The following CCNB3 variants were observed in gnomAD, a reference collection of about 807,000 sequenced individuals.
CCNB3 encodes cyclin B3.
A neutral mutation model predicts 68.0 loss-of-function variants in CCNB3; 12 were observed. The ratio of observed to expected loss-of-function variants is 0.18; its 90% CI spans 0.11 to 0.29. The LOEUF (loss-of-function observed/expected upper bound fraction) is 0.29, where lower values mean the gene tolerates loss of function less well. CCNB3 is among the 10% of genes least tolerant of loss of function. CCNB3 has a pLI of 1.00. For missense variants in CCNB3, 904 were observed against 993.1 expected (o/e 0.91, Z 1.21); for synonymous variants, 354 against 388.9 (o/e 0.91, Z 1.06).
At chrX:50,293,875 T>C in intron 4 of CCNB3, among the ~76,000 whole-genome samples, 1 of 112,176 alleles carries the variant, frequency 8.9e-6, no homozygotes, top group African/African-American at 3.2e-5. Flanking sequence ...TTTTTTCCTT[T>C]AATGTAGTTA....
chrX:50,342,121 A>G (rs1557219695), intron 8 of CCNB3, 81 bp from the exon 9 acceptor site: 1 of 1,084,848 alleles, frequency 9.2e-7, no homozygotes, highest in South Asian at 1.9e-5. Flanking sequence ...TGTTGCAGAT[A>G]CTCCAGGTAG....
Position 50,309,286 on chromosome X carries a change from C to G in CCNB3, c.1117C>G (p.Pro373Ala), listed in dbSNP as rs1557214137. The change falls in exon 6 of 13, where the codon CCT becomes GCT. Residue 373 changes from proline (P) to alanine (A), a missense_variant. Coordinates refer to ENST00000376042, the MANE Select transcript of CCNB3 (RefSeq NM_033031.3). ...VKESLAFKKK[P>A]STEEAIMMPV... is the part of the protein sequence containing the mutation. ...GGAGTCGTTAGCCTTTAAGAAGAAG[C>G]CTAGCACTGAGGAGGCAATCATGAT... 11 of 1,211,387 alleles carry G rather than the reference C, an allele frequency of 9.1e-6. No homozygotes were observed. The highest frequency in any genetic ancestry group is 1.2e-5 in the Non-Finnish European group (11 of 895,325).
chrX:50,317,543 T>TATGTATG (rs1557215939), intron 8 of CCNB3, among the ~76,000 whole-genome samples: 6 of 99,681 alleles, frequency 6.0e-5, no homozygotes, highest in Non-Finnish European at 9.9e-5. Context: ...GTATTTAAAT[T>TATGTATG]TATGTATGTA....
chrX:50,222,076 C>CTT (rs2146987379), intron 1 of CCNB3, among the ~76,000 whole-genome samples: 1 of 110,541 alleles, frequency 9.0e-6, no homozygotes, highest in South Asian at 3.9e-4. Context: ...GTTTTAGAGA[C>CTT]TAGGTTTGCA....
intron 11 of CCNB3, among the ~76,000 whole-genome samples, chrX:50,349,000 G>C (rs1486593008): frequency 8.9e-6 from 1 of 112,905 alleles, no homozygotes; most frequent in Non-Finnish European, 1.9e-5. Context: ...TTTCACACTT[G>C]GTGACTAAAC....
In CCNB3 at chrX:50,295,077, C is replaced by T; in HGVS notation, c.335+84C>T. The T allele has an allele frequency of 2.0e-6, 2 of 994,691 alleles. No homozygotes were observed. The highest frequency in any genetic ancestry group is 6.4e-5 in the East Asian group (2 of 31,108). The allele number at this position is 994,691 out of a possible 1,213,427, so 82.0% of individuals were successfully genotyped here. Reference sequence around the variant, plus strand: ...TTGTCCCCATTGAGAACATATTTAGCAAGCCACAATGGTGACTACCACATT... The same window carrying T: ...TTGTCCCCATTGAGAACATATTTAGTAAGCCACAATGGTGACTACCACATT... On this transcript the variant is annotated intron_variant, in intron 5 of 12. Transcript: ENST00000376042.
At chrX:50,323,284 C>T (rs1305313549) in intron 8 of CCNB3, among the ~76,000 whole-genome samples, 5 of 110,726 alleles carry the variant, frequency 4.5e-5, no homozygotes, top group Non-Finnish European at 9.4e-5. Flanking sequence ...ATGGATGAAG[C>T]TGGAAACCAT....
At chrX:50,294,730 C>T in intron 4 of CCNB3, 133 bp from the exon 5 acceptor site, 2 of 706,525 alleles carry the variant, frequency 2.8e-6, no homozygotes, top group Non-Finnish European at 4.2e-6. Flanking sequence ...TGGATTATCA[C>T]TCCTGGGAAC....
At position 50,210,032 on chromosome X, in the gene CCNB3, C is replaced by T. The variant is rs1935458280; in HGVS notation, c.-113+5082C>T. Among the ~76,000 whole-genome samples the T allele has an allele frequency of 3.6e-5, 4 of 111,775 alleles. No individual in the cohort carries two copies. In the South Asian group the frequency reaches 1.5e-3, roughly 42 times the overall value. On this transcript the variant is annotated intron_variant, in intron 1 of 12. Transcript: ENST00000376042. Reference sequence around the variant, plus strand: ...TCATCCTGTTTTGAAAGTTTTTCTTCCTTTTGCAAGATTATGGAAATATTC... The same window carrying T: ...TCATCCTGTTTTGAAAGTTTTTCTTTCTTTTGCAAGATTATGGAAATATTC...
Position 50,309,499 on chromosome X carries a change from A to G in CCNB3, c.1330A>G (p.Thr444Ala), listed in dbSNP as rs1602223652. The G allele has an allele frequency of 8.3e-7, 1 of 1,209,376 alleles. No individual in the cohort carries two copies. The highest frequency in any genetic ancestry group is 1.1e-6 in the Non-Finnish European group (1 of 895,006). The change falls in exon 6 of 13, where the codon ACT becomes GCT. Residue 444 changes from threonine to alanine, a missense_variant. Physicochemically the swap from Thr to Ala is moderately conservative, Grantham distance 58. This residue lies in a region of CCNB3 where 619 missense variants were observed against 609.8 expected (regional missense o/e 1.02). Coordinates refer to ENST00000376042, the MANE Select transcript of CCNB3 (RefSeq NM_033031.3). ...ATCTGCATTGCAAAAGAAGCACACC[A>G]CTCAGGAGGAGGTTTCCATCTTAAA... ...EPSALQKKHT[T>A]QEEVSILKEP...
At chrX:50,287,614 A>G (rs1390757802) in intron 3 of CCNB3, among the ~76,000 whole-genome samples, 1 of 112,148 alleles carries the variant, frequency 8.9e-6, no homozygotes, top group African/African-American at 3.2e-5. Context: ...GTCAACAGTT[A>G]GTAAAGAGCT....
rs1336538735 is a variant in CCNB3 at position 50,294,846 on chromosome X, C to T, written c.205-17C>T. On this transcript the variant is annotated splice_polypyrimidine_tract_variant and intron_variant, in intron 4 of 12. Coordinates refer to ENST00000376042, the MANE Select transcript of CCNB3 (RefSeq NM_033031.3). ...CTCCTTCTTCCCCTGCCCCCCAACCCACCTTTTTTTTTGCAGGCTTCTCAA... is the reference window on the plus strand; with the variant it reads ...CTCCTTCTTCCCCTGCCCCCCAACCTACCTTTTTTTTTGCAGGCTTCTCAA... 1.7e-6 allele frequency: 2 copies of T among 1,184,331 alleles called. No individual in the cohort carries two copies. The highest frequency in any genetic ancestry group is 2.3e-6 in the Non-Finnish European group (2 of 882,785).
intron 1 of CCNB3, among the ~76,000 whole-genome samples, chrX:50,216,217 T>G (rs1935568347): frequency 9.2e-6 from 1 of 109,245 alleles, no homozygotes; most frequent in Non-Finnish European, 1.9e-5. Context: ...CCTCCTAAAG[T>G]GCTGGGATTA....
chrX:50,319,991 G>A (rs1055102780), intron 8 of CCNB3, among the ~76,000 whole-genome samples: 2 of 110,538 alleles, frequency 1.8e-5, no homozygotes, highest in Non-Finnish European at 3.8e-5. Flanking sequence ...TTCTTTTTAG[G>A]TATTGCTGGA....
At position 50,310,155 on chromosome X, in the gene CCNB3, A is replaced by G. The variant is rs1921343299; in HGVS notation, c.1986A>G (p.Gln662=). 4 of 1,210,510 alleles carry G rather than the reference A, an allele frequency of 3.3e-6. No homozygotes were observed. Among genetic ancestry groups the G allele is most frequent in the Non-Finnish European group, 3.4e-6 (3 of 894,513 alleles). ...TCTCAAAAGAGTCATTGGCCATCCA[A>G]GAGAAGGCTACCACTGAGGAGGAAT... ...VSLSKESLAI[Q]EKATTEEEFS... is the part of the protein sequence containing the mutation. Residue 662 remains glutamine (Q), a synonymous_variant, in exon 6 of 13, where the codon CAA becomes CAG. Coordinates refer to ENST00000376042, the MANE Select transcript of CCNB3 (RefSeq NM_033031.3).
At chrX:50,279,873 A>C (rs1372560617) in intron 1 of CCNB3, among the ~76,000 whole-genome samples, 2 of 87,595 alleles carry the variant, frequency 2.3e-5, no homozygotes, top group Non-Finnish European at 4.2e-5. Context: ...TATATATAAA[A>C]TATATATAGT....
intron 8 of CCNB3, among the ~76,000 whole-genome samples, chrX:50,320,924 A>G (rs1921984393): frequency 3.6e-5 from 4 of 111,695 alleles, no homozygotes; most frequent in Admixed American, 1.9e-4. Context: ...ATGTATTTCT[A>G]TATCCATTTT....
In CCNB3 at chrX:50,347,608, T is replaced by A. The variant is rs1923469010; in HGVS notation, c.3811-18T>A. On this transcript the variant is annotated intron_variant, in intron 10 of 12. Transcript: ENST00000376042. The stretch of plus-strand genomic sequence containing the variant: ...TTTTCTAAATTGATTTCTGAGCCAG[T>A]CTTCTCATTGCCTTTAGTGTATCCA... 2 of 1,195,193 alleles carry A rather than the reference T, an allele frequency of 1.7e-6. No homozygotes were observed. Among genetic ancestry groups the A allele is most frequent in the East Asian group, 6.0e-5 (2 of 33,479 alleles).
At chrX:50,226,146 C>A (rs1360015838) in intron 1 of CCNB3, among the ~76,000 whole-genome samples, 22 of 63,876 alleles carry the variant, frequency 3.4e-4, no homozygotes, top group Non-Finnish European at 5.5e-4. Context: ...AATATATATT[C>A]TATATATATG....
Sources: allele counts gnomAD v4.1 joint callset (sites outside exome capture counted in the v4.1 genomes callset), GRCh38; gene constraint gnomAD v4.1.1; regional missense constraint gnomAD v4.1.1; transcripts MANE v1.5; gene names NCBI Gene and HGNC (gene_info 2026-07-23, HGNC 2026-07-21).